WDHD1: variants seen among roughly 807,000 people sequenced by gnomAD.
WDHD1 encodes the protein WD repeat and HMG-box DNA binding protein 1, also known as WD repeat and HMG-box DNA-binding protein 1.
WDHD1 carries 111 observed loss-of-function variants against 135.4 expected under a neutral mutation model. The ratio of observed to expected loss-of-function variants is 0.82; its 90% confidence interval spans 0.70 to 0.96. The LOEUF (loss-of-function observed/expected upper bound fraction) is 0.96. WDHD1 is among the 40% of genes least tolerant of loss of function. The pLI is 0.00. For synonymous variants in WDHD1, 434 were observed against 439.0 expected (o/e 0.99, Z 0.14); for missense variants, 1,351 against 1,336.3 (o/e 1.01, Z -0.17).
chr14:54,951,088 C>T (rs2041043296), intron 24 of WDHD1, among the ~76,000 whole-genome samples: 1 of 151,994 alleles, frequency 6.6e-6, no homozygotes, highest in African/African-American at 2.4e-5. Context: ...ATTAAAAGAA[C>T]TAGAGAAGCA....
intron 24 of WDHD1, among the ~76,000 whole-genome samples, chr14:54,949,446 T>G (rs1188927296): frequency 2.0e-5 from 3 of 151,928 alleles, no homozygotes; most frequent in African/African-American, 7.3e-5. Flanking sequence ...AAGAAAAGTT[T>G]AGAGAAAAAA....
At chr14:55,026,855 C>T (rs867892370) in intron 1 of WDHD1, 52 bp from the exon 2 acceptor site, 6 of 1,578,600 alleles carry the variant, frequency 3.8e-6, no homozygotes, top group Middle Eastern at 3.3e-4. Flanking sequence ...AGAAAAGCAG[C>T]GAGGCTAGGG....
At position 55,015,474 on chromosome 14, in the gene WDHD1, T is replaced by C. The variant is rs371742027; in HGVS notation, c.78-1878A>G. On this transcript the variant is annotated intron_variant, in intron 2 of 25. Transcript: ENST00000360586. ...TCTGCCATGGTCTCATTTGGTAACA[T>C]AACACACATAACACATGGTTAAATC... 5.5e-5 allele frequency among the ~76,000 whole-genome samples: 8 copies of C among 146,132 alleles called. No homozygotes were observed. The South Asian group carries it at 1.6e-3, about 29-fold the overall frequency.
intron 2 of WDHD1, among the ~76,000 whole-genome samples, chr14:55,014,786 T>C (rs1475306288): frequency 3.3e-5 from 5 of 151,878 alleles, no homozygotes. Context: ...AAGAAAAAGA[T>C]TAATTCTCAC....
chr14:55,002,200 A>C lies in WDHD1; in HGVS notation c.601-15T>G. On this transcript the variant is annotated splice_polypyrimidine_tract_variant and intron_variant, in intron 7 of 25. Coordinates refer to ENST00000360586, the MANE Select transcript of WDHD1 (RefSeq NM_007086.4). ...ATTGCCAGTAACTATTAGAAAAGAT[A>C]AACAACGTAAACAAAAGTTTACATT... is the stretch of plus-strand genomic sequence containing the variant. 1 of 1,510,436 alleles carries C rather than the reference A, an allele frequency of 6.6e-7. No individual in the cohort carries two copies. The highest frequency in any genetic ancestry group is 1.4e-5 in the African/African-American group (1 of 71,216). The allele number at this position is 1,510,436 out of a possible 1,614,324, so 93.6% of individuals were successfully genotyped here.
At chr14:54,966,934 T>C (rs1595075913) in intron 17 of WDHD1, among the ~76,000 whole-genome samples, 1 of 152,340 alleles carries the variant, frequency 6.6e-6, no homozygotes, top group African/African-American at 2.4e-5. Context: ...CAAATGACTT[T>C]TGATGACACA....
intron 16 of WDHD1, among the ~76,000 whole-genome samples, chr14:54,972,784 A>C (rs2041462775): frequency 6.6e-6 from 1 of 152,068 alleles, no homozygotes; most frequent in African/African-American, 2.4e-5. Flanking sequence ...ACTCCATTCC[A>C]AAAAAGAGAG....
chr14:55,011,459 G>A (rs377189859), intron 3 of WDHD1, among the ~76,000 whole-genome samples: 76 of 138,226 alleles, frequency 5.5e-4, no homozygotes, highest in African/African-American at 1.7e-3. Context: ...GGGAGGCGGC[G>A]GTTGCAGTGA....
chr14:54,944,331 C>T lies in WDHD1; in HGVS notation c.3189+1G>A. Reference sequence around the variant, plus strand: ...CTCAATCTCGGCACAATTATCCTTACCTTTCTTTCTTCAGTTGACAATACT... The same window carrying T: ...CTCAATCTCGGCACAATTATCCTTATCTTTCTTTCTTCAGTTGACAATACT... On this transcript the variant is annotated splice_donor_variant, in intron 25 of 25. Coordinates refer to ENST00000360586, the MANE Select transcript of WDHD1 (RefSeq NM_007086.4). LOFTEE classifies it high-confidence loss of function. 3 of 1,601,042 alleles carry T rather than the reference C, an allele frequency of 1.9e-6. No individual in the cohort carries two copies. The highest frequency in any genetic ancestry group is 2.5e-6 in the Non-Finnish European group (3 of 1,177,164).
chr14:55,013,495 C>T lies in WDHD1; in HGVS notation c.179G>A (p.Cys60Tyr). The change falls in exon 3 of 26, where the codon TGT becomes TAT. Residue 60 changes from cysteine to tyrosine, a missense_variant. Coordinates refer to ENST00000360586, the MANE Select transcript of WDHD1 (RefSeq NM_007086.4). ...AACTGTTTTTACTACCTTCAAAGCA[C>T]ATGAATATGCCTTTTCTCCAACATT... ...FINVGEKAYS[C>Y]ALKSGKLVTA... 3 of 1,612,384 alleles carry T rather than the reference C, an allele frequency of 1.9e-6. No homozygotes were observed. Among genetic ancestry groups the T allele is most frequent in the Non-Finnish European group, 2.5e-6 (3 of 1,178,538 alleles).
chr14:55,021,483 T>G (rs2042346575), intron 2 of WDHD1, among the ~76,000 whole-genome samples: 1 of 152,014 alleles, frequency 6.6e-6, no homozygotes, highest in African/African-American at 2.4e-5. Context: ...CTCGGCTCAC[T>G]GCAACCTCCA....
At chr14:55,022,616 A>G (rs1024422029) in intron 2 of WDHD1, among the ~76,000 whole-genome samples, 2 of 151,900 alleles carry the variant, frequency 1.3e-5, no homozygotes, top group Non-Finnish European at 2.9e-5. Context: ...CAGGAGGCGG[A>G]GGTTGCAGTG....
chr14:54,939,122 A>T lies in WDHD1; in HGVS notation c.*2368T>A, dbSNP rs946518384. ...ACAGGTGCTTACTGTCAAATTTCAA[A>T]TTTTCTGTAGGTTTGAGAGATTCAA... On this transcript the variant is annotated 3_prime_UTR_variant, in exon 26 of 26. Coordinates refer to ENST00000360586, the MANE Select transcript of WDHD1 (RefSeq NM_007086.4). The T allele has an allele frequency of 1.3e-5, 2 of 152,208 alleles. No homozygotes were observed. Among genetic ancestry groups the T allele is most frequent in the East Asian group, 3.8e-4 (2 of 5,204 alleles). 9.4% of individuals were successfully genotyped at this position (152,208 alleles called of 1,614,324 possible).
chr14:54,967,499 T>C lies in WDHD1; in HGVS notation c.2064-105A>G, dbSNP rs116125239. 2.0e-3 allele frequency: 1,367 copies of C among 681,364 alleles called. 18 individuals carry two copies. The African/African-American group carries it at 0.022, about 11-fold the overall frequency. The allele number at this position is 681,364 out of a possible 1,614,324, so 42.2% of individuals were successfully genotyped here. ...TTAGTAACTTAGAATAGTAATATTA[T>C]AATAGCTGCCTTAATCATATATAAC... On this transcript the variant is annotated intron_variant, in intron 16 of 25. Coordinates refer to ENST00000360586, the MANE Select transcript of WDHD1 (RefSeq NM_007086.4).
At chr14:54,947,195 C>T (rs867889338) in intron 24 of WDHD1, among the ~76,000 whole-genome samples, 3 of 151,386 alleles carry the variant, frequency 2.0e-5, no homozygotes, top group Admixed American at 6.6e-5. Context: ...CAAAATTAGT[C>T]GGGCATGGTT....
chr14:54,962,962 G>T lies in WDHD1; in HGVS notation c.2521C>A (p.Leu841Met), dbSNP rs771496445. 1 of 1,613,866 alleles carries T rather than the reference G, an allele frequency of 6.2e-7. No individual in the cohort carries two copies. Among genetic ancestry groups the T allele is most frequent in the Non-Finnish European group, 8.5e-7 (1 of 1,179,990 alleles). ...TAAATTATTTCTTACCCAGCATTCA[G>T]CTTTTTTCTGAAATCTTCTTCTTCT... Reference protein sequence around the residue: ...EEEEEDFRKKLNAGYSNTATE... With the variant: ...EEEEEDFRKKMNAGYSNTATE... The change falls in exon 19 of 26, where the codon CTG becomes ATG. Residue 841 changes from leucine to methionine, a missense_variant. Around this residue, in one of 2 missense-constraint regions of WDHD1, gnomAD observed 1,330 missense variants for 1,296.1 expected, o/e 1.03. Transcript: ENST00000360586.
chr14:55,022,793 G>A (rs1234186862), intron 2 of WDHD1, among the ~76,000 whole-genome samples: 1 of 151,352 alleles, frequency 6.6e-6, no homozygotes, highest in Non-Finnish European at 1.5e-5. Flanking sequence ...AGCAGAAGCT[G>A]ATTCTATTGC....
At chr14:55,008,832 A>C (rs1376318150) in intron 4 of WDHD1, 113 bp from the exon 5 acceptor site, 1 of 785,862 alleles carries the variant, frequency 1.3e-6, no homozygotes, top group East Asian at 3.0e-5. Flanking sequence ...ACGGAGTCTC[A>C]CTCTGTCACC....
At chr14:54,967,817 T>C (rs1393300495) in intron 16 of WDHD1, among the ~76,000 whole-genome samples, 1 of 152,088 alleles carries the variant, frequency 6.6e-6, no homozygotes, top group Non-Finnish European at 1.5e-5. Flanking sequence ...GATGGGGTTT[T>C]GCCATGTTGC....
Sources: allele counts gnomAD v4.1 joint callset (sites outside exome capture counted in the v4.1 genomes callset), GRCh38; gene constraint gnomAD v4.1.1; regional missense constraint gnomAD v4.1.1; transcripts MANE v1.5; gene names NCBI Gene and HGNC (gene_info 2026-07-23, HGNC 2026-07-21).